Variants in ULK4 observed in about 807,000 individuals in gnomAD.
ULK4 encodes the protein inactive serine/threonine-protein kinase ULK4.
A neutral mutation model predicts 160.6 loss-of-function variants in ULK4; 133 were observed. The observed-to-expected ratio is 0.83, with a 90% CI of 0.72 to 0.96. The LOEUF is 0.96. Ranked by LOEUF, ULK4 falls within the 40% of genes least tolerant of loss-of-function variation. ULK4 has a pLI of 0.00. For missense variants in ULK4, 1,580 were observed against 1,499.5 expected (o/e 1.05, Z -0.89); for synonymous variants, 534 against 539.8 (o/e 0.99, Z 0.15).
chr3:41,648,835 G>A (rs2034618487), intron 30 of ULK4, among the ~76,000 whole-genome samples: 1 of 152,106 alleles, frequency 6.6e-6, no homozygotes. Flanking sequence ...AGAAAACGCA[G>A]TAAAAAGCCA....
chr3:41,673,818 A>G (rs1297011437), intron 29 of ULK4, among the ~76,000 whole-genome samples: 1 of 152,010 alleles, frequency 6.6e-6, no homozygotes, highest in Non-Finnish European at 1.5e-5. Context: ...CCCCTTACCA[A>G]CACACACTCT....
intron 17 of ULK4, among the ~76,000 whole-genome samples, chr3:41,844,372 G>A (rs536283427): frequency 5.7e-4 from 87 of 152,246 alleles, no homozygotes; most frequent in Non-Finnish European, 1.1e-3. Flanking sequence ...GGCCGGCACT[G>A]CTGAGGGACC....
At chr3:41,355,481 T>G (rs2081012737) in intron 35 of ULK4, among the ~76,000 whole-genome samples, 2 of 152,214 alleles carry the variant, frequency 1.3e-5, no homozygotes, top group African/African-American at 2.4e-5. Flanking sequence ...ATAGAGATTT[T>G]GGGATAGAAA....
chr3:41,655,737 A>G (rs906129764), intron 30 of ULK4, among the ~76,000 whole-genome samples: 2 of 152,144 alleles, frequency 1.3e-5, no homozygotes, highest in African/African-American at 4.8e-5. Context: ...ACCTATTGAG[A>G]TTTCATCAAA....
intron 2 of ULK4, among the ~76,000 whole-genome samples, chr3:41,945,727 A>G (rs897773965): frequency 6.6e-6 from 1 of 152,210 alleles, no homozygotes; most frequent in African/African-American, 2.4e-5. Flanking sequence ...TGAACTGCCT[A>G]AACTGCAGAC....
intron 30 of ULK4, among the ~76,000 whole-genome samples, chr3:41,622,758 A>G (rs2033318032): frequency 6.6e-6 from 1 of 152,164 alleles, no homozygotes; most frequent in Non-Finnish European, 1.5e-5. Flanking sequence ...CCCAAACTTA[A>G]AATTTAAAAA....
At chr3:41,346,704 T>A (rs1326782962) in intron 35 of ULK4, among the ~76,000 whole-genome samples, 1 of 152,220 alleles carries the variant, frequency 6.6e-6, no homozygotes, top group Non-Finnish European at 1.5e-5. Flanking sequence ...GCACAATTAA[T>A]AAGACATACA....
At chr3:41,840,196 A>G (rs1453107619) in intron 17 of ULK4, among the ~76,000 whole-genome samples, 2 of 152,224 alleles carry the variant, frequency 1.3e-5, no homozygotes, top group African/African-American at 4.8e-5. Context: ...TGGGAGGCCA[A>G]TACGGGAGGA....
rs544237543 is a variant in ULK4 at position 41,854,663 on chromosome 3, A to C, written c.1657-18692T>G. Among the ~76,000 whole-genome samples, 19 of 152,276 alleles carry C rather than the reference A, an allele frequency of 1.2e-4. 1 individual carries two copies. Among genetic ancestry groups the C allele is most frequent in the African/African-American group, 4.6e-4 (19 of 41,560 alleles). On this transcript the variant is annotated intron_variant, in intron 17 of 36. Coordinates refer to ENST00000301831, the MANE Select transcript of ULK4 (RefSeq NM_017886.4). ...AAAGAATTCACAGCTTCTTACCCAG[A>C]TCCCAGATCTAACCTGCTTCATAGA...
intron 35 of ULK4, among the ~76,000 whole-genome samples, chr3:41,348,070 G>A (rs2080835657): frequency 6.6e-6 from 1 of 151,794 alleles, no homozygotes; most frequent in Non-Finnish European, 1.5e-5. Context: ...TTAGCCAGGT[G>A]TGGTGGCATG....
chr3:41,918,523 A>C lies in ULK4; in HGVS notation c.661T>G (p.Ser221Ala). ...TCAGTTAATTCTGAAATACTTTCTG[A>C]GAAGAATGGAGGTTTTCCTGAAATC... ...EMFSGKPPFFSESISELTEKI... is the reference protein window; with the variant it reads ...EMFSGKPPFFAESISELTEKI... The change falls in exon 7 of 37, where the codon TCA becomes GCA. Residue 221 changes from serine (S) to alanine (A), a missense_variant. Physicochemically the swap from Ser to Ala is moderately conservative, Grantham distance 99 (BLOSUM62 1). Coordinates refer to ENST00000301831, the MANE Select transcript of ULK4 (RefSeq NM_017886.4). The C allele has an allele frequency of 6.3e-7, 1 of 1,578,312 alleles. No individual in the cohort carries two copies. Among genetic ancestry groups the C allele is most frequent in the African/African-American group, 1.4e-5 (1 of 73,876 alleles).
At chr3:41,745,382 T>C (rs560176365) in intron 22 of ULK4, among the ~76,000 whole-genome samples, 1 of 151,252 alleles carries the variant, frequency 6.6e-6, no homozygotes, top group African/African-American at 2.4e-5. Flanking sequence ...AGAAAAAAAA[T>C]TTAATAACAC....
intron 17 of ULK4, among the ~76,000 whole-genome samples, chr3:41,876,398 T>A (rs1004750361): frequency 6.6e-6 from 1 of 152,202 alleles, no homozygotes; most frequent in African/African-American, 2.4e-5. Flanking sequence ...AAATACTTAT[T>A]TAACATGATT....
intron 35 of ULK4, among the ~76,000 whole-genome samples, chr3:41,261,753 G>T (rs922427393): frequency 2.0e-5 from 3 of 152,188 alleles, no homozygotes; most frequent in African/African-American, 4.8e-5. Flanking sequence ...TTGACCAAAG[G>T]AGTCTGTGGA....
At position 41,478,661 on chromosome 3, in the gene ULK4, A is replaced by G. The variant is rs555950070; in HGVS notation, c.3227-15408T>C. ...AAAAGTTTCGGATGGGATAAACTCAATTATAAAATCCCTGAAAGGAGAAGT... is the reference window on the plus strand; with the variant it reads ...AAAAGTTTCGGATGGGATAAACTCAGTTATAAAATCCCTGAAAGGAGAAGT... On this transcript the variant is annotated intron_variant, in intron 32 of 36. Coordinates refer to ENST00000301831, the MANE Select transcript of ULK4 (RefSeq NM_017886.4). Among the ~76,000 whole-genome samples, 24 of 152,322 alleles carry G rather than the reference A, an allele frequency of 1.6e-4. No individual in the cohort carries two copies. The South Asian group carries it at 4.6e-3, about 29-fold the overall frequency.
intron 17 of ULK4, among the ~76,000 whole-genome samples, chr3:41,843,988 T>C (rs1028546063): frequency 6.6e-6 from 1 of 152,168 alleles, no homozygotes; most frequent in Non-Finnish European, 1.5e-5. Flanking sequence ...GAGTGTCCAT[T>C]GGTGCATTCA....
chr3:41,536,166 C>G (rs2086492233), intron 32 of ULK4, among the ~76,000 whole-genome samples: 1 of 152,130 alleles, frequency 6.6e-6, no homozygotes, highest in Non-Finnish European at 1.5e-5. Context: ...AACCTCTTTT[C>G]TATATATGTT....
rs2083732864 is a variant in ULK4, at chr3:41,463,136, A to C, written c.3344T>G (p.Leu1115Trp). The C allele has an allele frequency of 6.2e-7, 1 of 1,613,730 alleles. No individual in the cohort carries two copies. The highest frequency in any genetic ancestry group is 8.5e-7 in the Non-Finnish European group (1 of 1,179,794). The change falls in exon 33 of 37, where the codon TTG becomes TGG. Residue 1115 changes from leucine (L) to tryptophan (W), a missense_variant. Physicochemically the swap from Leu to Trp is moderately conservative, Grantham distance 61. Coordinates refer to ENST00000301831, the MANE Select transcript of ULK4 (RefSeq NM_017886.4). ...GGAGGTATAGGTCAGCATGCTGTGC[A>C]AAATATCAAGCAGGGAAAAGAGCAG... ...APLLFSLLDI[L>W]HSMLTYTSGI...
intron 27 of ULK4, among the ~76,000 whole-genome samples, chr3:41,688,198 C>G (rs1356834485): frequency 1.3e-5 from 2 of 152,152 alleles, no homozygotes; most frequent in Non-Finnish European, 2.9e-5. Context: ...CATCCCACCC[C>G]CTCCCCTGAC....
Sources: allele counts gnomAD v4.1 joint callset (sites outside exome capture counted in the v4.1 genomes callset), GRCh38; gene constraint gnomAD v4.1.1; transcripts MANE v1.5; gene names NCBI Gene and HGNC (gene_info 2026-07-23, HGNC 2026-07-21).